The following APP variants were observed in gnomAD, a reference collection of about 807,000 sequenced individuals.
APP encodes the protein amyloid-beta precursor protein.
In APP, 31 loss-of-function variants were observed where a neutral mutation model predicts 101.4. That is an observed-to-expected ratio of 0.31 (90% CI 0.23 to 0.41). The LOEUF is 0.41. Among genes scored for constraint, APP ranks in the 10% least tolerant of loss-of-function variants. The pLI is 1.00. For synonymous variants in APP, 366 were observed against 364.4 expected, an observed-to-expected ratio of 1.00 and a Z score of -0.05; for missense variants, 839 against 1,003.7, an observed-to-expected ratio of 0.84 and a Z score of 2.22.
intron 13 of APP, chr21:25,935,251 A>G (rs2040312042): frequency 6.6e-6 from 1 of 152,140 alleles, no homozygotes; most frequent in African/African-American, 2.4e-5. Context: ...AATCTATAAA[A>G]CTTAGCATGT....
chr21:26,111,749 TC>T (rs757789354), intron 2 of APP, among the ~76,000 whole-genome samples: 4 of 152,060 alleles, frequency 2.6e-5, no homozygotes, highest in Non-Finnish European at 4.4e-5. Flanking sequence ...TGCTGTGACA[TC>T]TTAAACTACT....
chr21:26,077,465 TTTTC>T lies in APP; in HGVS notation c.355+12474_355+12477del, dbSNP rs146449351. Among the ~76,000 whole-genome samples, 88 of 152,318 alleles carry T rather than the reference TTTTC, an allele frequency of 5.8e-4. No individual in the cohort carries two copies. In the East Asian group the frequency reaches 0.015, roughly 26 times the overall value. ...AACGCTGTTATTTTGTACTTTTGGC[TTTTC>T]TTTGTCTACAGTTAATATTTGCCCC... On this transcript the variant is annotated intron_variant, in intron 3 of 17. Transcript: ENST00000346798.
At chr21:25,950,196 T>G (rs1023711465) in intron 13 of APP, among the ~76,000 whole-genome samples, 2 of 152,154 alleles carry the variant, frequency 1.3e-5, no homozygotes, top group Non-Finnish European at 2.9e-5. Flanking sequence ...AGAAAGAATG[T>G]GACCATCAGC....
At chr21:25,999,456 C>G (rs2146675704) in intron 7 of APP, among the ~76,000 whole-genome samples, 1 of 152,230 alleles carries the variant, frequency 6.6e-6, no homozygotes, top group Admixed American at 6.5e-5. Flanking sequence ...GCACTTCTAC[C>G]CTCCGGCATT....
intron 16 of APP, among the ~76,000 whole-genome samples, chr21:25,895,997 T>C (rs544107927): frequency 6.6e-6 from 1 of 152,198 alleles, no homozygotes; most frequent in Non-Finnish European, 1.5e-5. Context: ...GGCGTTAGTG[T>C]AATTGTGGGG....
intron 1 of APP, among the ~76,000 whole-genome samples, chr21:26,114,197 T>C (rs2830062): frequency 0.095 from 14,524 of 152,248 alleles, 887 homozygotes; most frequent in Admixed American, 0.15. Flanking sequence ...TTCATTACAA[T>C]GTCTAAGGAA....
intron 6 of APP, among the ~76,000 whole-genome samples, chr21:26,018,740 C>G (rs2044209239): frequency 6.6e-6 from 1 of 152,194 alleles, no homozygotes. Context: ...GTTGCTATCT[C>G]TCAATGACCA....
At chr21:26,143,463 G>A (rs983021994) in intron 1 of APP, among the ~76,000 whole-genome samples, 4 of 152,292 alleles carry the variant, frequency 2.6e-5, no homozygotes, top group East Asian at 1.9e-4. Flanking sequence ...TATATTCAAT[G>A]TATACAACGT....
intron 5 of APP, among the ~76,000 whole-genome samples, chr21:26,040,815 G>T (rs2045341668): frequency 6.6e-6 from 1 of 151,998 alleles, no homozygotes; most frequent in Admixed American, 6.6e-5. Flanking sequence ...TTAAGCTAAT[G>T]AAGACTGTTC....
chr21:26,038,139 C>T (rs1017899682), intron 5 of APP, among the ~76,000 whole-genome samples: 3 of 152,092 alleles, frequency 2.0e-5, no homozygotes, highest in Non-Finnish European at 4.4e-5. Flanking sequence ...AGACATCATA[C>T]TTTCTAGTCC....
At chr21:26,159,003 T>C (rs2063430648) in intron 1 of APP, among the ~76,000 whole-genome samples, 1 of 152,180 alleles carries the variant, frequency 6.6e-6, no homozygotes, top group African/African-American at 2.4e-5. Flanking sequence ...CTGTCATAAC[T>C]GAAACACAGA....
chr21:26,079,206 G>A (rs1186074717), intron 3 of APP, among the ~76,000 whole-genome samples: 1 of 152,126 alleles, frequency 6.6e-6, no homozygotes, highest in East Asian at 1.9e-4. Flanking sequence ...TGAGAAAGAT[G>A]CTCAGAAGCG....
At chr21:25,992,945 A>G (rs1028028167) in intron 8 of APP, among the ~76,000 whole-genome samples, 5 of 152,230 alleles carry the variant, frequency 3.3e-5, no homozygotes, top group African/African-American at 1.2e-4. Flanking sequence ...GTGATTAAGA[A>G]CAATAGTTCA....
chr21:25,932,786 T>C (rs1213931649), intron 13 of APP, among the ~76,000 whole-genome samples: 3 of 152,102 alleles, frequency 2.0e-5, no homozygotes, highest in Non-Finnish European at 4.4e-5. Context: ...TAAATAATTA[T>C]TGACTTGGCC....
intron 6 of APP, among the ~76,000 whole-genome samples, chr21:26,012,885 A>G (rs944425845): frequency 3.9e-5 from 6 of 152,152 alleles, no homozygotes; most frequent in Admixed American, 1.3e-4. Flanking sequence ...AGGCAGGAGA[A>G]TTGAGAATTG....
chr21:25,976,773 C>T (rs1336177514), intron 9 of APP, among the ~76,000 whole-genome samples: 1 of 152,212 alleles, frequency 6.6e-6, no homozygotes, highest in Non-Finnish European at 1.5e-5. Flanking sequence ...GTGTTGGAAA[C>T]TTAATCCCCA....
intron 14 of APP, among the ~76,000 whole-genome samples, chr21:25,910,300 T>C (rs2039006394): frequency 6.6e-6 from 1 of 152,064 alleles, no homozygotes; most frequent in South Asian, 2.1e-4. Context: ...GCTAACTTTT[T>C]TTTGTATTTT....
intron 16 of APP, among the ~76,000 whole-genome samples, chr21:25,892,659 A>G (rs1181621734): frequency 6.6e-6 from 1 of 152,218 alleles, no homozygotes; most frequent in Non-Finnish European, 1.5e-5. Context: ...CTTTATTTGG[A>G]TTAAACATAA....
At chr21:26,064,218 C>CA (rs779173259) in intron 3 of APP, among the ~76,000 whole-genome samples, 1 of 152,080 alleles carries the variant, frequency 6.6e-6, no homozygotes, top group Non-Finnish European at 1.5e-5. Context: ...GGACATTAGA[C>CA]AAAAACTAAG....
Sources: allele counts gnomAD v4.1 joint callset (sites outside exome capture counted in the v4.1 genomes callset), GRCh38; gene constraint gnomAD v4.1.1; transcripts MANE v1.5; gene names NCBI Gene and HGNC (gene_info 2026-07-23, HGNC 2026-07-21).